The following FTO variants were observed in gnomAD, a reference collection of about 807,000 sequenced individuals.
FTO encodes the protein alpha-ketoglutarate-dependent dioxygenase FTO.
Under a neutral mutation model 63.9 loss-of-function variants are expected in FTO, and 47 were observed. The ratio of observed to expected loss-of-function variants is 0.74; its 90% CI spans 0.58 to 0.94. The LOEUF is 0.94. Ranked by LOEUF, FTO falls within the 40% of genes least tolerant of loss-of-function variation. FTO has a pLI of 0.00. For synonymous variants in FTO, 207 were observed against 224.4 expected (o/e 0.92, Z 0.69); for missense variants, 562 against 618.1 (o/e 0.91, Z 0.96).
intron 8 of FTO, among the ~76,000 whole-genome samples, chr16:53,957,589 C>T (rs192018536): frequency 6.6e-6 from 1 of 152,308 alleles, no homozygotes; most frequent in Admixed American, 6.5e-5. Flanking sequence ...TGGAGAGAAA[C>T]ATGAGTTATT....
chr16:53,796,557 A>T (rs900805300), intron 1 of FTO, among the ~76,000 whole-genome samples: 3 of 152,216 alleles, frequency 2.0e-5, no homozygotes, highest in African/African-American at 7.2e-5. Context: ...TACTACATGA[A>T]TTACTAATAT....
chr16:53,835,343 TG>T (rs1438643182), intron 3 of FTO, among the ~76,000 whole-genome samples: 6 of 152,208 alleles, frequency 3.9e-5, no homozygotes, highest in Non-Finnish European at 8.8e-5. Flanking sequence ...CTTTCCTGAC[TG>T]TTTTCTTATT....
At chr16:53,882,285 A>G (rs747235879) in intron 6 of FTO, among the ~76,000 whole-genome samples, 1 of 152,144 alleles carries the variant, frequency 6.6e-6, no homozygotes, top group African/African-American at 2.4e-5. Flanking sequence ...AATAAAATAG[A>G]CATTCTAGTA....
At chr16:53,980,737 A>G (rs2083523506) in intron 8 of FTO, among the ~76,000 whole-genome samples, 1 of 152,232 alleles carries the variant, frequency 6.6e-6, no homozygotes, top group African/African-American at 2.4e-5. Context: ...TGTTCTTATC[A>G]GTAAATCTAA....
rs1488768565 is a variant in FTO at position 54,120,300 on chromosome 16, AC to A, written c.*8386del. ...AGCCAAGGCCACAGGCCTTCCTTTG[AC>A]TGCCATATTGCCAGCTCTTCATAGT... is the stretch of plus-strand genomic sequence containing the variant. On this transcript the variant is annotated 3_prime_UTR_variant, in exon 9 of 9. Transcript: ENST00000471389. 2.0e-5 allele frequency: 3 copies of A among 152,232 alleles called. No homozygotes were observed. Among genetic ancestry groups the A allele is most frequent in the Non-Finnish European group, 4.4e-5 (3 of 68,064 alleles). 9.4% of individuals were successfully genotyped at this position (152,232 alleles called of 1,614,324 possible). A position where few individuals can be genotyped will look rare whatever the true frequency, so the allele number is the denominator to read the frequency against.
At chr16:53,831,063 T>A (rs1279183018) in intron 3 of FTO, among the ~76,000 whole-genome samples, 2 of 152,128 alleles carry the variant, frequency 1.3e-5, no homozygotes, top group African/African-American at 4.8e-5. Context: ...TTGGGAAAAA[T>A]TGCATCCCCT....
At chr16:53,841,091 T>A (rs2079463669) in intron 3 of FTO, among the ~76,000 whole-genome samples, 1 of 77,470 alleles carries the variant, frequency 1.3e-5, no homozygotes, top group South Asian at 5.2e-4. Context: ...CAGACATCGA[T>A]AGCAACTATC....
intron 8 of FTO, among the ~76,000 whole-genome samples, chr16:54,084,484 G>A (rs1325961575): frequency 2.6e-5 from 4 of 152,296 alleles, no homozygotes; most frequent in African/African-American, 9.6e-5. Context: ...GTTAGGTTCT[G>A]TATTGCCCCA....
At chr16:53,780,340 T>C (rs2077557329) in intron 1 of FTO, among the ~76,000 whole-genome samples, 1 of 152,174 alleles carries the variant, frequency 6.6e-6, no homozygotes, top group African/African-American at 2.4e-5. Flanking sequence ...CCTGGCTTCT[T>C]GTGATTTGTG....
intron 1 of FTO, among the ~76,000 whole-genome samples, chr16:53,790,151 AT>A (rs141816793): frequency 0.099 from 14,888 of 150,896 alleles, 947 homozygotes; most frequent in Middle Eastern, 0.25. Flanking sequence ...GTCCTTAGCC[AT>A]TTTTTTTAAC....
rs116753298 is a variant in FTO at position 53,810,193 on chromosome 16, C to T, written c.99C>T (p.Pro33=). ...ACACTTGGCTCCCTTATCTGACCCC[C>T]AAAGATGATGAATTCTATCAGCAGG... is the stretch of plus-strand genomic sequence containing the variant. The part of the protein sequence containing the change: ...LEDTWLPYLT[P]KDDEFYQQWQ... Residue 33 remains proline, a synonymous_variant, in exon 2 of 9, where the codon CCC becomes CCT. Transcript: ENST00000471389. 9.3e-4 allele frequency: 1,496 copies of T among 1,609,424 alleles called. 8 individuals are homozygous for T. In the African/African-American group the frequency reaches 9.7e-3, roughly 10 times the overall value.
At position 54,111,850 on chromosome 16, in the gene FTO, CT is replaced by C; in HGVS notation, c.1454del (p.Leu485ArgfsTer68). Reference sequence around the variant, plus strand: ...GGAAAAGGATGATGCTTCGATGCCTCTGCCGTTTGACCTCACAGACATCGTT... The same window carrying C: ...GGAAAAGGATGATGCTTCGATGCCTCGCCGTTTGACCTCACAGACATCGTT... ...YWEKDDASMP[L>X]PFDLTDIVSE... On this transcript the variant is annotated frameshift_variant, in exon 9 of 9. Coordinates refer to ENST00000471389, the MANE Select transcript of FTO (RefSeq NM_001080432.3). LOFTEE classifies it high-confidence loss of function. 6.2e-7 allele frequency: 1 copy of C among 1,614,224 alleles called. No homozygotes were observed. The highest frequency in any genetic ancestry group is 8.5e-7 in the Non-Finnish European group (1 of 1,180,036).
intron 8 of FTO, among the ~76,000 whole-genome samples, chr16:54,059,052 A>G (rs751636304): frequency 6.6e-6 from 1 of 152,268 alleles, no homozygotes; most frequent in Non-Finnish European, 1.5e-5. Context: ...AATACAGATG[A>G]TAAAGATGTT....
chr16:53,801,952 G>A (rs1177735558), intron 1 of FTO, among the ~76,000 whole-genome samples: 1 of 152,042 alleles, frequency 6.6e-6, no homozygotes, highest in Admixed American at 6.5e-5. Context: ...TATAGACGAG[G>A]TTTCGCCATG....
At chr16:53,738,025 CTTT>C (rs35487919) in intron 1 of FTO, among the ~76,000 whole-genome samples, 2 of 125,482 alleles carry the variant, frequency 1.6e-5, no homozygotes, top group Non-Finnish European at 3.3e-5. Flanking sequence ...ACAATCGTAG[CTTT>C]TTTTTTTTTT....
chr16:54,015,336 C>T (rs1246687092), intron 8 of FTO, among the ~76,000 whole-genome samples: 2 of 152,198 alleles, frequency 1.3e-5, no homozygotes, highest in African/African-American at 4.8e-5. Context: ...CCTAAGTGTG[C>T]GTCACCTACA....
chr16:53,837,265 T>C (rs1473604479), intron 3 of FTO, among the ~76,000 whole-genome samples: 2 of 152,208 alleles, frequency 1.3e-5, no homozygotes, highest in Non-Finnish European at 2.9e-5. Flanking sequence ...GTAATGTAAA[T>C]ATTTTTATCT....
chr16:53,904,681 A>C (rs991201937), intron 7 of FTO, among the ~76,000 whole-genome samples: 3 of 152,170 alleles, frequency 2.0e-5, no homozygotes, highest in Non-Finnish European at 2.9e-5. Context: ...AGGGCTCCCC[A>C]TCCCTGGAAA....
chr16:54,104,144 T>C (rs1242096927), intron 8 of FTO, among the ~76,000 whole-genome samples: 1 of 152,108 alleles, frequency 6.6e-6, no homozygotes, highest in South Asian at 2.1e-4. Flanking sequence ...AGATACTGAA[T>C]TGAACAGAGG....
Sources: allele counts gnomAD v4.1 joint callset (sites outside exome capture counted in the v4.1 genomes callset), GRCh38; gene constraint gnomAD v4.1.1; transcripts MANE v1.5; gene names NCBI Gene and HGNC (gene_info 2026-07-23, HGNC 2026-07-21).